The following TTLL5 variants were observed in gnomAD, a reference collection of about 807,000 sequenced individuals.
TTLL5 encodes tubulin tyrosine ligase like 5, also known as tubulin polyglutamylase TTLL5.
A neutral mutation model predicts 168.4 loss-of-function variants in TTLL5; 132 were observed. That is an observed-to-expected ratio of 0.78 (90% CI 0.68 to 0.91). The LOEUF (loss-of-function observed/expected upper bound fraction) is 0.91. TTLL5 is among the 40% of genes least tolerant of loss of function. The probability of loss-of-function intolerance (pLI) is 0.00; values close to 1 mark genes in which losing one functional copy is unlikely to be tolerated. For missense variants in TTLL5, 1,545 were observed against 1,581.5 expected, an observed-to-expected ratio of 0.98 and a Z score of 0.39; for synonymous variants, 546 against 558.6, an observed-to-expected ratio of 0.98 and a Z score of 0.32.
chr14:75,891,199 T>C (rs74474174), intron 30 of TTLL5, among the ~76,000 whole-genome samples: 5,766 of 152,282 alleles, frequency 0.038, 140 homozygotes, highest in Non-Finnish European at 0.049. Flanking sequence ...TGTTCCTACA[T>C]ATCCATGTCA....
chr14:75,791,165 A>G (rs1892696630), intron 26 of TTLL5, among the ~76,000 whole-genome samples: 1 of 151,590 alleles, frequency 6.6e-6, no homozygotes, highest in African/African-American at 2.4e-5. Flanking sequence ...AAATTTACAT[A>G]CTTTGTGACC....
intron 9 of TTLL5, among the ~76,000 whole-genome samples, chr14:75,717,567 A>G (rs886101260): frequency 2.6e-5 from 4 of 152,190 alleles, no homozygotes. Context: ...GATTAAGTCC[A>G]TGGGTTTTGG....
intron 31 of TTLL5, among the ~76,000 whole-genome samples, chr14:75,924,315 T>C (rs1297679891): frequency 4.0e-5 from 6 of 151,794 alleles, no homozygotes; most frequent in African/African-American, 1.5e-4. Context: ...TGATCATTCT[T>C]GGGTGTTTCT....
Position 75,783,148 on chromosome 14 carries a change from A to C in TTLL5, c.2604A>C (p.Arg868=). 6 of 1,605,060 alleles carry C rather than the reference A, an allele frequency of 3.7e-6. No individual in the cohort carries two copies. Among genetic ancestry groups the C allele is most frequent in the Non-Finnish European group, 5.1e-6 (6 of 1,178,094 alleles). ...TTEIHSDKLS[R]FTTSAEKEAK... ...CTTGTTTTGTTTTGTTTTTAATAGG[A>C]TTTACCACTTCAGCAGAAAAAGAGG... is the stretch of plus-strand genomic sequence containing the variant. Residue 868 remains arginine (R), a splice_region_variant and synonymous_variant, in exon 26 of 32, where the codon CGA becomes CGC. Transcript: ENST00000298832.
chr14:75,694,837 T>C (rs922824180), intron 6 of TTLL5, among the ~76,000 whole-genome samples: 8 of 152,246 alleles, frequency 5.3e-5, no homozygotes, highest in African/African-American at 1.9e-4. Flanking sequence ...ATCAATACTC[T>C]TGTGATTTCC....
At chr14:75,695,712 C>T (rs771084341) in intron 6 of TTLL5, among the ~76,000 whole-genome samples, 10 of 152,058 alleles carry the variant, frequency 6.6e-5, no homozygotes, top group African/African-American at 1.7e-4. Flanking sequence ...GTGGTTCCCC[C>T]GATAGCCAGA....
chr14:75,904,866 T>C (rs2033082615), intron 31 of TTLL5, among the ~76,000 whole-genome samples: 1 of 152,224 alleles, frequency 6.6e-6, no homozygotes, highest in African/African-American at 2.4e-5. Context: ...GTGCATGATA[T>C]AGTAAGCTTC....
intron 28 of TTLL5, among the ~76,000 whole-genome samples, chr14:75,849,067 G>A (rs1896707186): frequency 6.6e-6 from 1 of 152,156 alleles, no homozygotes; most frequent in South Asian, 2.1e-4. Context: ...AGACATATCA[G>A]CTTCTAGCTT....
chr14:75,678,567 C>G (rs1198764284), intron 3 of TTLL5, among the ~76,000 whole-genome samples: 1 of 152,028 alleles, frequency 6.6e-6, no homozygotes, highest in Non-Finnish European at 1.5e-5. Flanking sequence ...CAGCCATTTC[C>G]TAGACTTTTT....
At chr14:75,926,475 A>G (rs2034074904) in intron 31 of TTLL5, among the ~76,000 whole-genome samples, 1 of 152,152 alleles carries the variant, frequency 6.6e-6, no homozygotes, top group African/African-American at 2.4e-5. Flanking sequence ...ATGTTTTTGC[A>G]GTGGCTGGTA....
intron 20 of TTLL5, among the ~76,000 whole-genome samples, chr14:75,771,355 A>G (rs988199098): frequency 3.3e-5 from 5 of 152,198 alleles, no homozygotes; most frequent in African/African-American, 9.7e-5. Flanking sequence ...TGAATCCAGC[A>G]GGATGGAGGT....
At chr14:75,883,775 C>T (rs772438309) in intron 30 of TTLL5, among the ~76,000 whole-genome samples, 7 of 152,202 alleles carry the variant, frequency 4.6e-5, no homozygotes, top group South Asian at 2.1e-4. Flanking sequence ...AAGTACCAAG[C>T]GCTGTTCTGG....
chr14:75,882,588 C>A, intron 29 of TTLL5, 97 bp from the exon 30 acceptor site: 1 of 1,091,396 alleles, frequency 9.2e-7, no homozygotes, highest in Non-Finnish European at 1.3e-6. Context: ...TTGTCCTTTT[C>A]TTTTTGCCCC....
At chr14:75,872,024 T>C (rs373086180) in intron 29 of TTLL5, among the ~76,000 whole-genome samples, 5 of 152,222 alleles carry the variant, frequency 3.3e-5, no homozygotes, top group East Asian at 1.9e-4. Context: ...ATACAAATAA[T>C]TTCTTATAAG....
chr14:75,872,892 ACAAGGG>A (rs1408361164), intron 29 of TTLL5, among the ~76,000 whole-genome samples: 22 of 139,448 alleles, frequency 1.6e-4, no homozygotes, highest in African/African-American at 5.7e-4. Flanking sequence ...AGCCTGGGCA[ACAAGGG>A]TGAAACTCCA....
In TTLL5 at chr14:75,863,848, C is replaced by T. The variant is rs769845921; in HGVS notation, c.3508C>T (p.Arg1170Ter). The T allele has an allele frequency of 7.4e-5, 116 of 1,571,878 alleles. No homozygotes were observed. Among genetic ancestry groups the T allele is most frequent in the Non-Finnish European group, 9.6e-5 (111 of 1,157,456 alleles). The change falls in exon 29 of 32, where the codon CGA (arginine) becomes TGA (stop). Residue 1170 changes from arginine to a stop codon, truncating the protein, a stop_gained. Transcript: ENST00000298832. LOFTEE classifies it high-confidence loss of function. Reference protein sequence around the residue: ...LQSRQLLDQSRARHQAIFGSQ... With the variant: ...LQSRQLLDQS Reference sequence around the variant, plus strand: ...GTCCCGGCAGCTCCTGGACCAGAGTCGAGCCCGGCACCAGGTAATTCAAGA... The same window carrying T: ...GTCCCGGCAGCTCCTGGACCAGAGTTGAGCCCGGCACCAGGTAATTCAAGA...
intron 27 of TTLL5, among the ~76,000 whole-genome samples, chr14:75,806,216 A>C (rs1893645445): frequency 6.6e-6 from 1 of 152,010 alleles, no homozygotes; most frequent in South Asian, 2.1e-4. Flanking sequence ...TTTTTAGTAG[A>C]GATGGGGTTT....
intron 12 of TTLL5, among the ~76,000 whole-genome samples, chr14:75,721,199 T>G (rs1430630126): frequency 3.9e-5 from 6 of 152,048 alleles, no homozygotes; most frequent in Non-Finnish European, 7.4e-5. Flanking sequence ...TCTCTTTCTC[T>G]TCCTCTTCTC....
At chr14:75,841,224 A>G (rs175895) in intron 28 of TTLL5, among the ~76,000 whole-genome samples, 18,724 of 152,190 alleles carry the variant, frequency 0.12, 1,509 homozygotes, top group East Asian at 0.4. Context: ...AAACCGTATC[A>G]CCTTCATAGT....
Sources: gnomAD v4.1 joint callset for allele counts (sites outside exome capture counted in the v4.1 genomes callset) on GRCh38, gnomAD v4.1.1 for gene constraint, MANE v1.5 for transcripts, NCBI Gene and HGNC (gene_info 2026-07-23, HGNC 2026-07-21) for gene names.